ATP9B: variants seen among roughly 807,000 people sequenced by gnomAD.
ATP9B encodes the protein ATPase phospholipid transporting 9B, also known as probable phospholipid-transporting ATPase IIB.
A neutral mutation model predicts 146.1 loss-of-function variants in ATP9B; 110 were observed. The ratio of observed to expected loss-of-function variants is 0.75; its 90% CI spans 0.65 to 0.88. The LOEUF (loss-of-function observed/expected upper bound fraction) is 0.88. Ranked by LOEUF, ATP9B falls within the 40% of genes least tolerant of loss-of-function variation. The probability of loss-of-function intolerance (pLI) is 0.00; values close to 1 mark genes in which losing one functional copy is unlikely to be tolerated. For synonymous variants in ATP9B, 604 were observed against 569.7 expected (o/e 1.06, Z -0.86); for missense variants, 1,499 against 1,496.4 (o/e 1.00, Z -0.03).
In ATP9B at chr18:79,301,281, C is replaced by T. The variant is rs1033021206; in HGVS notation, c.1412-2323C>T. On this transcript the variant is annotated intron_variant, in intron 13 of 29. Transcript: ENST00000426216. ...CCAGGGCGGGCAGATCACCTGAGGTCGGGAGTTCCAGACCAGCCTGGCCAA... is the reference window on the plus strand; with the variant it reads ...CCAGGGCGGGCAGATCACCTGAGGTTGGGAGTTCCAGACCAGCCTGGCCAA... 3.3e-5 allele frequency among the ~76,000 whole-genome samples: 5 copies of T among 152,290 alleles called. No individual in the cohort carries two copies. The East Asian group carries it at 7.7e-4, about 24-fold the overall frequency.
At chr18:79,170,141 T>C (rs1015577357) in intron 7 of ATP9B, among the ~76,000 whole-genome samples, 1 of 152,126 alleles carries the variant, frequency 6.6e-6, no homozygotes, top group Non-Finnish European at 1.5e-5. Context: ...GCTGCCAAGG[T>C]AGGGAGGAGC....
In ATP9B at chr18:79,256,286, T is replaced by TATATATATATATATATATACACACACAC. The variant is rs398033647; in HGVS notation, c.1268+2746_1268+2747insTATATATATATATATATACACACACACA. 3.5e-3 allele frequency among the ~76,000 whole-genome samples: 433 copies of TATATATATATATATATATACACACACAC among 122,892 alleles called. 17 individuals are homozygous for TATATATATATATATATATACACACACAC. Among genetic ancestry groups the TATATATATATATATATATACACACACAC allele is most frequent in the Non-Finnish European group, 5.8e-3 (340 of 58,310 alleles). 80.6% of individuals were successfully genotyped at this position (122,892 alleles called of 152,430 possible). On this transcript the variant is annotated intron_variant, in intron 12 of 29. Coordinates refer to ENST00000426216, the MANE Select transcript of ATP9B (RefSeq NM_198531.5). Reference sequence around the variant, plus strand: ...ATATATATATATATATATATATATATACATACATAGTGAGGCTATGTTATT... The same window carrying TATATATATATATATATATACACACACAC: ...ATATATATATATATATATATATATATATATATATATATATATATACACACACACACATACATAGTGAGGCTATGTTATT...
chr18:79,372,772 G>A, intron 26 of ATP9B, 53 bp from the exon 27 acceptor site: 1 of 1,206,982 alleles, frequency 8.3e-7, no homozygotes. Context: ...TGGAAGGCGT[G>A]AGTCAAGCAG....
chr18:79,193,144 C>A, intron 8 of ATP9B, 39 bp from the exon 9 acceptor site: 1 of 1,421,844 alleles, frequency 7.0e-7, no homozygotes, highest in Non-Finnish European at 9.8e-7. Context: ...TTTTACTAAA[C>A]TATAACATTC....
At chr18:79,315,156 A>T (rs2146751069) in intron 15 of ATP9B, among the ~76,000 whole-genome samples, 1 of 152,350 alleles carries the variant, frequency 6.6e-6, no homozygotes, top group South Asian at 2.1e-4. Context: ...ATCAGCTATA[A>T]TTAATGACAG....
At chr18:79,072,564 C>G (rs1390138245) in intron 1 of ATP9B, among the ~76,000 whole-genome samples, 1 of 132,206 alleles carries the variant, frequency 7.6e-6, no homozygotes, top group Non-Finnish European at 1.8e-5. Context: ...TACACAGACA[C>G]AGTAACAATC....
At chr18:79,146,891 A>C (rs995387728) in intron 6 of ATP9B, 1 of 152,506 alleles carries the variant, frequency 6.6e-6, no homozygotes, top group East Asian at 1.9e-4. Context: ...CGTACGTTCT[A>C]ATGGTCTAAA....
rs147854886 is a variant in ATP9B, at chr18:79,279,273, T to C, written c.1411+2077T>C. On this transcript the variant is annotated intron_variant, in intron 13 of 29. Coordinates refer to ENST00000426216, the MANE Select transcript of ATP9B (RefSeq NM_198531.5). ...TTGGGGAGAAGCACTCACTGGTTCA[T>C]GTGCCTGCCCCTTATGCAGAGTTCA... Among the ~76,000 whole-genome samples the C allele has an allele frequency of 4.6e-5, 7 of 152,004 alleles. No homozygotes were observed. The East Asian group carries it at 1.4e-3, about 29-fold the overall frequency.
At chr18:79,320,834 T>C (rs182503189) in intron 15 of ATP9B, among the ~76,000 whole-genome samples, 1 of 120,372 alleles carries the variant, frequency 8.3e-6, no homozygotes, top group East Asian at 3.9e-4. Flanking sequence ...GGAGCTTACA[T>C]ACTAGGAAAC....
intron 10 of ATP9B, among the ~76,000 whole-genome samples, chr18:79,211,123 T>C (rs1029768674): frequency 1.3e-5 from 2 of 152,216 alleles, no homozygotes; most frequent in African/African-American, 4.8e-5. Flanking sequence ...ATTTGAAATA[T>C]TGAGTGGACT....
chr18:79,227,822 G>A (rs1357823166), intron 11 of ATP9B, among the ~76,000 whole-genome samples: 2 of 152,192 alleles, frequency 1.3e-5, no homozygotes, highest in Non-Finnish European at 2.9e-5. Context: ...CAGCACTTGG[G>A]TCTGTGCCTT....
intron 1 of ATP9B, chr18:79,095,705 A>G (rs1189653265): frequency 6.6e-6 from 1 of 152,258 alleles, no homozygotes; most frequent in Non-Finnish European, 1.5e-5. Context: ...TGCAAAATTC[A>G]GTAAGACAGC....
intron 7 of ATP9B, among the ~76,000 whole-genome samples, chr18:79,170,745 C>T (rs1346635845): frequency 2.6e-5 from 4 of 152,200 alleles, no homozygotes; most frequent in Non-Finnish European, 5.9e-5. Context: ...CTCTCTCCTG[C>T]ATGTCAGATT....
chr18:79,273,289 G>T (rs186024611), intron 12 of ATP9B, among the ~76,000 whole-genome samples: 2 of 152,300 alleles, frequency 1.3e-5, no homozygotes, highest in East Asian at 1.9e-4. Context: ...GACATTTTGG[G>T]TCTTGTCTCC....
At chr18:79,308,281 T>G (rs2096630186) in intron 15 of ATP9B, among the ~76,000 whole-genome samples, 1 of 152,028 alleles carries the variant, frequency 6.6e-6, no homozygotes, top group Non-Finnish European at 1.5e-5. Flanking sequence ...TAAGCGTTCC[T>G]GAAAAAATTG....
At position 79,308,717 on chromosome 18, in the gene ATP9B, G is replaced by C. The variant is rs1277574124; in HGVS notation, c.1773+1483G>C. Among the ~76,000 whole-genome samples, 145 of 131,496 alleles carry C rather than the reference G, an allele frequency of 1.1e-3. 6 individuals are homozygous for C. Among genetic ancestry groups the C allele is most frequent in the African/African-American group, 4.1e-3 (134 of 32,754 alleles). 86.3% of individuals were successfully genotyped at this position (131,496 alleles called of 152,430 possible). A position where few individuals can be genotyped will look rare whatever the true frequency, so the allele number is the denominator to read the frequency against. On this transcript the variant is annotated intron_variant, in intron 15 of 29. Coordinates refer to ENST00000426216, the MANE Select transcript of ATP9B (RefSeq NM_198531.5). ...CAGGTAGAAGGTCAGGGGTGGTGGAGTGATCCCCAGCAGGTAGAAGGTCAG... is the reference window on the plus strand; with the variant it reads ...CAGGTAGAAGGTCAGGGGTGGTGGACTGATCCCCAGCAGGTAGAAGGTCAG...
rs1444616815 is a variant in ATP9B at position 79,298,823 on chromosome 18, A to G, written c.1412-4781A>G. On this transcript the variant is annotated intron_variant, in intron 13 of 29. Coordinates refer to ENST00000426216, the MANE Select transcript of ATP9B (RefSeq NM_198531.5). ...AAGATGTTCCTCCTTCTCAGGAGGC[A>G]GAGTGGCTGTCCCATAGCCACTTCA... 3.4e-5 allele frequency among the ~76,000 whole-genome samples: 5 copies of G among 146,244 alleles called. 1 individual carries two copies. Among genetic ancestry groups the G allele is most frequent in the African/African-American group, 7.5e-5 (3 of 39,754 alleles).
intron 12 of ATP9B, among the ~76,000 whole-genome samples, chr18:79,272,430 C>T (rs968148011): frequency 2.6e-5 from 4 of 152,104 alleles, no homozygotes; most frequent in Non-Finnish European, 5.9e-5. Flanking sequence ...GAATCCTGCA[C>T]GGATACGCTC....
chr18:79,311,413 C>G (rs1388517527), intron 15 of ATP9B, among the ~76,000 whole-genome samples: 1 of 152,070 alleles, frequency 6.6e-6, no homozygotes, highest in African/African-American at 2.4e-5. Context: ...GTCCAGGGGA[C>G]AGATATAAAC....
Sources: gnomAD v4.1 joint callset for allele counts (sites outside exome capture counted in the v4.1 genomes callset) on GRCh38, gnomAD v4.1.1 for gene constraint, MANE v1.5 for transcripts, NCBI Gene and HGNC (gene_info 2026-07-23, HGNC 2026-07-21) for gene names.